KCNQ5: variants seen among roughly 807,000 people sequenced by gnomAD.
The protein encoded by KCNQ5 is potassium voltage-gated channel subfamily KQT member 5.
In KCNQ5, 30 loss-of-function variants were observed where a neutral mutation model predicts 98.2. The observed-to-expected ratio is 0.31, with a 90% CI of 0.23 to 0.41. The LOEUF is 0.41. KCNQ5 is among the 10% of genes least tolerant of loss of function. KCNQ5 has a pLI of 1.00. For synonymous variants in KCNQ5, 458 were observed against 449.4 expected (o/e 1.02, Z -0.24); for missense variants, 835 against 1,182.5 (o/e 0.71, Z 4.31).
At chr6:72,625,292 A>G (rs1017617906) in intron 1 of KCNQ5, among the ~76,000 whole-genome samples, 1 of 152,254 alleles carries the variant, frequency 6.6e-6, no homozygotes, top group Non-Finnish European at 1.5e-5. Flanking sequence ...GGCTGGACAG[A>G]GCAAGGGATG....
chr6:72,901,527 A>T (rs1039984797), intron 1 of KCNQ5, among the ~76,000 whole-genome samples: 1 of 152,180 alleles, frequency 6.6e-6, no homozygotes, highest in African/African-American at 2.4e-5. Context: ...TTTTTGTATA[A>T]GGTGAGAGAT....
intron 1 of KCNQ5, among the ~76,000 whole-genome samples, chr6:72,768,115 G>T (rs1772673352): frequency 6.6e-6 from 1 of 151,988 alleles, no homozygotes; most frequent in Non-Finnish European, 1.5e-5. Flanking sequence ...CTAATGAATG[G>T]GTAAATAAAA....
chr6:72,867,940 A>C (rs1778053343), intron 1 of KCNQ5, among the ~76,000 whole-genome samples: 1 of 151,290 alleles, frequency 6.6e-6, no homozygotes, highest in Non-Finnish European at 1.5e-5. Context: ...AATAATACTA[A>C]TAATACTAAT....
At chr6:73,061,474 G>C (rs1206017923) in intron 3 of KCNQ5, among the ~76,000 whole-genome samples, 6 of 152,092 alleles carry the variant, frequency 3.9e-5, no homozygotes, top group Non-Finnish European at 8.8e-5. Flanking sequence ...GCAATATTTG[G>C]ATGGGTTAAT....
chr6:72,669,506 G>C (rs751194777), intron 1 of KCNQ5, among the ~76,000 whole-genome samples: 2 of 152,182 alleles, frequency 1.3e-5, no homozygotes, highest in African/African-American at 4.8e-5. Flanking sequence ...GTGGGTCTCT[G>C]AGGCAGCTCC....
chr6:73,033,429 A>G (rs1337261304), intron 2 of KCNQ5, among the ~76,000 whole-genome samples: 2 of 152,194 alleles, frequency 1.3e-5, no homozygotes, highest in Admixed American at 6.5e-5. Context: ...GAGCAGATTT[A>G]TATATTAACA....
At chr6:72,959,439 A>G (rs1414381259) in intron 1 of KCNQ5, among the ~76,000 whole-genome samples, 1 of 152,236 alleles carries the variant, frequency 6.6e-6, no homozygotes, top group Non-Finnish European at 1.5e-5. Flanking sequence ...TCAGAGTTCC[A>G]TATTTTTAGA....
chr6:72,793,277 G>C (rs993106450), intron 1 of KCNQ5, among the ~76,000 whole-genome samples: 3 of 152,130 alleles, frequency 2.0e-5, no homozygotes, highest in African/African-American at 7.2e-5. Context: ...GAATATTGTG[G>C]TTAGTTTTGT....
chr6:73,030,543 T>A (rs1196343558), intron 2 of KCNQ5, among the ~76,000 whole-genome samples: 1 of 152,294 alleles, frequency 6.6e-6, no homozygotes, highest in East Asian at 1.9e-4. Context: ...ATAAATAATC[T>A]TAGGTAATAA....
intron 3 of KCNQ5, among the ~76,000 whole-genome samples, chr6:73,064,927 A>T (rs138816319): frequency 3.9e-4 from 60 of 152,236 alleles, no homozygotes; most frequent in African/African-American, 1.4e-3. Context: ...AAATACAGAA[A>T]CACAGCTTCC....
chr6:73,185,784 A>G (rs1778550083), intron 11 of KCNQ5, among the ~76,000 whole-genome samples: 1 of 152,204 alleles, frequency 6.6e-6, no homozygotes, highest in Admixed American at 6.5e-5. Flanking sequence ...CCTTACTTGC[A>G]TTTTGAAAGG....
chr6:73,180,195 C>A (rs551674868), intron 11 of KCNQ5, among the ~76,000 whole-genome samples: 1 of 152,158 alleles, frequency 6.6e-6, no homozygotes, highest in Admixed American at 6.6e-5. Context: ...GACCAAGGAC[C>A]AAATGATCAT....
chr6:72,976,560 G>A (rs1004637780), intron 1 of KCNQ5, among the ~76,000 whole-genome samples: 1 of 151,812 alleles, frequency 6.6e-6, no homozygotes, highest in Admixed American at 6.6e-5. Context: ...ATTCATTCAC[G>A]GCTATAATTA....
At chr6:72,694,869 T>A (rs1460049753) in intron 1 of KCNQ5, among the ~76,000 whole-genome samples, 1 of 152,182 alleles carries the variant, frequency 6.6e-6, no homozygotes, top group Non-Finnish European at 1.5e-5. Context: ...CCCCGCTCTA[T>A]TAGTTCCCTA....
intron 1 of KCNQ5, among the ~76,000 whole-genome samples, chr6:72,770,019 A>C (rs1772777072): frequency 6.6e-6 from 1 of 152,152 alleles, no homozygotes; most frequent in East Asian, 1.9e-4. Context: ...AATAAAAGAA[A>C]CAGAAGCCTG....
chr6:72,995,162 A>G (rs1167218658), intron 1 of KCNQ5, among the ~76,000 whole-genome samples: 1 of 152,162 alleles, frequency 6.6e-6, no homozygotes, highest in Admixed American at 6.5e-5. Context: ...TCAGGTCAGG[A>G]GTTCAAGACC....
chr6:73,115,276 A>G (rs1775445328), intron 7 of KCNQ5, among the ~76,000 whole-genome samples: 2 of 152,204 alleles, frequency 1.3e-5, no homozygotes, highest in African/African-American at 4.8e-5. Context: ...ATAAAGCAAA[A>G]AAGATAAGAA....
intron 2 of KCNQ5, among the ~76,000 whole-genome samples, chr6:73,011,059 A>G (rs1324433910): frequency 6.6e-6 from 1 of 152,068 alleles, no homozygotes; most frequent in African/African-American, 2.4e-5. Context: ...AAATTGCCCA[A>G]ACTATTTTGA....
In KCNQ5 at chr6:73,123,022, G is replaced by A. The variant is rs141058524; in HGVS notation, c.1221-1464G>A. Among the ~76,000 whole-genome samples the A allele has an allele frequency of 8.3e-4, 126 of 152,144 alleles. 2 individuals carry two copies. In the South Asian group the frequency reaches 0.013, roughly 16 times the overall value. On this transcript the variant is annotated intron_variant, in intron 8 of 13. Coordinates refer to ENST00000370398, the MANE Select transcript of KCNQ5 (RefSeq NM_019842.4). The stretch of plus-strand genomic sequence containing the variant: ...CATTCAGCCTAAGAACTTCTGATGG[G>A]AAAGATCATTTATTCAGTCATGTAT...
Sources: gnomAD v4.1 joint callset for allele counts (sites outside exome capture counted in the v4.1 genomes callset) on GRCh38, gnomAD v4.1.1 for gene constraint, MANE v1.5 for transcripts, NCBI Gene and HGNC (gene_info 2026-07-23, HGNC 2026-07-21) for gene names.